Variants in ARHGAP22 observed in about 807,000 individuals in gnomAD.
ARHGAP22 encodes Rho GTPase activating protein 22.
ARHGAP22 carries 48 observed loss-of-function variants against 59.1 expected under a neutral mutation model. That is an observed-to-expected ratio of 0.81 (90% CI 0.64 to 1.03). ARHGAP22 has a LOEUF of 1.03. Ranked by LOEUF, ARHGAP22 falls within the 50% of genes least tolerant of loss-of-function variation. ARHGAP22 has a pLI of 0.00. For synonymous variants in ARHGAP22, 445 were observed against 416.4 expected (o/e 1.07, Z -0.84); for missense variants, 1,015 against 958.7 (o/e 1.06, Z -0.78).
chr10:48,619,658 T>C (rs1565009413), intron 1 of ARHGAP22, among the ~76,000 whole-genome samples: 1 of 152,114 alleles, frequency 6.6e-6, no homozygotes, highest in African/African-American at 2.4e-5. Flanking sequence ...TGCAGATAAA[T>C]GAAACTAGAC....
chr10:48,655,112 C>CTCTTT (rs753172322), upstream of ARHGAP22, among the ~76,000 whole-genome samples: 28 of 34,164 alleles, frequency 8.2e-4, 3 homozygotes, highest in African/African-American at 2.9e-3. Context: ...CTCTTCTCTT[C>CTCTTT]TCTTTCCTCT....
At chr10:48,503,111 G>A (rs531498470) in intron 3 of ARHGAP22, among the ~76,000 whole-genome samples, 1 of 152,354 alleles carries the variant, frequency 6.6e-6, no homozygotes, top group Admixed American at 6.5e-5. Context: ...GCATGGCTGA[G>A]ACTGGAAAAC....
intron 2 of ARHGAP22, among the ~76,000 whole-genome samples, chr10:48,569,993 A>G (rs1488091491): frequency 6.6e-6 from 1 of 152,218 alleles, no homozygotes; most frequent in African/African-American, 2.4e-5. Context: ...ATGGTATAAA[A>G]CAAACCTTAA....
intron 4 of ARHGAP22, among the ~76,000 whole-genome samples, chr10:48,471,302 G>A (rs1010244310): frequency 2.0e-5 from 3 of 152,180 alleles, no homozygotes; most frequent in African/African-American, 7.2e-5. Context: ...AGTCACTCTG[G>A]GCAGGGACAC....
intron 3 of ARHGAP22, chr10:48,493,515 T>G (rs2050621114): frequency 6.5e-7 from 1 of 1,534,728 alleles, no homozygotes; most frequent in Non-Finnish European, 8.7e-7. Flanking sequence ...GGGGCTGCAG[T>G]GAGAGGAGCA....
intron 9 of ARHGAP22, 37 bp downstream of exon 9, chr10:48,450,224 G>T (rs1354632471): frequency 1.9e-6 from 3 of 1,596,600 alleles, no homozygotes; most frequent in East Asian, 2.3e-5. Context: ...TGCAGGCTCC[G>T]CCCCGTCACA....
At chr10:48,525,209 T>G (rs2054217647) in intron 3 of ARHGAP22, among the ~76,000 whole-genome samples, 1 of 152,212 alleles carries the variant, frequency 6.6e-6, no homozygotes, top group Non-Finnish European at 1.5e-5. Context: ...CAGGAAAGTC[T>G]ATGGAAGGCT....
intron 1 of ARHGAP22, among the ~76,000 whole-genome samples, chr10:48,614,938 A>T (rs918404597): frequency 2.0e-5 from 3 of 152,252 alleles, no homozygotes; most frequent in Non-Finnish European, 4.4e-5. Context: ...GCTAAAGCAG[A>T]TATCTGTGGA....
rs146281014 is a variant in ARHGAP22 at position 48,450,317 on chromosome 10, A to T, written c.1812T>A (p.Thr604=). The change falls in exon 9 of 10, where the codon ACT becomes ACA. Residue 604 remains threonine, a synonymous_variant. Coordinates refer to ENST00000249601, the MANE Select transcript of ARHGAP22 (RefSeq NM_021226.4). Reference sequence around the variant, plus strand: ...GGCGGCACAGCTCGGCCCTGAGCTCAGTGACCAGCCCCTGTAAGGCCTCGG... The same window carrying T: ...GGCGGCACAGCTCGGCCCTGAGCTCTGTGACCAGCCCCTGTAAGGCCTCGG... The part of the protein sequence containing the change: ...RRSEALQGLV[T]ELRAELCRQR... 697 of 1,606,492 alleles carry T rather than the reference A, an allele frequency of 4.3e-4. No homozygotes were observed. Among genetic ancestry groups the T allele is most frequent in the Non-Finnish European group, 5.3e-4 (622 of 1,177,132 alleles).
intron 3 of ARHGAP22, among the ~76,000 whole-genome samples, chr10:48,544,196 G>T (rs769877085): frequency 6.6e-6 from 1 of 152,184 alleles, no homozygotes; most frequent in Non-Finnish European, 1.5e-5. Flanking sequence ...TACTTCACAT[G>T]ATGATTACAG....
At chr10:48,473,131 G>A (rs1056272814) in intron 4 of ARHGAP22, among the ~76,000 whole-genome samples, 1 of 152,146 alleles carries the variant, frequency 6.6e-6, no homozygotes, top group South Asian at 2.1e-4. Context: ...AACAAATGTG[G>A]TATATCCATA....
upstream of ARHGAP22, among the ~76,000 whole-genome samples, chr10:48,607,179 CTT>C (rs2135943656): frequency 1.3e-5 from 2 of 152,284 alleles, no homozygotes; most frequent in South Asian, 4.1e-4. Context: ...TGCCCTGAGA[CTT>C]AGTCTGGGTC....
intron 2 of ARHGAP22, among the ~76,000 whole-genome samples, chr10:48,582,320 C>T (rs1325111931): frequency 6.6e-6 from 1 of 152,178 alleles, no homozygotes; most frequent in African/African-American, 2.4e-5. Flanking sequence ...ACTGGATTGC[C>T]CAAGTGCTTC....
At chr10:48,641,545 C>G (rs932110045) in intron 1 of ARHGAP22, among the ~76,000 whole-genome samples, 1 of 152,164 alleles carries the variant, frequency 6.6e-6, no homozygotes, top group Admixed American at 6.5e-5. Flanking sequence ...AATTCAACAG[C>G]CCTTCATACT....
In ARHGAP22 at chr10:48,465,569, G is replaced by T. The variant is rs529145215; in HGVS notation, c.452-5678C>A. Among the ~76,000 whole-genome samples the T allele has an allele frequency of 2.0e-5, 3 of 152,350 alleles. No homozygotes were observed. In the South Asian group the frequency reaches 6.2e-4, roughly 32 times the overall value. Reference sequence around the variant, plus strand: ...CCTTGCAGGGTCAATTCCTGGACAGGTTCTGCCTGCCCCTGAGTCCCACCC... The same window carrying T: ...CCTTGCAGGGTCAATTCCTGGACAGTTTCTGCCTGCCCCTGAGTCCCACCC... On this transcript the variant is annotated intron_variant, in intron 4 of 9. Transcript: ENST00000249601.
At chr10:48,514,350 C>T (rs1273256731) in intron 3 of ARHGAP22, among the ~76,000 whole-genome samples, 2 of 151,998 alleles carry the variant, frequency 1.3e-5, no homozygotes, top group Non-Finnish European at 2.9e-5. Context: ...TTGAAAGAAA[C>T]AAGAGAAAAT....
chr10:48,596,587 C>T (rs945503589), intron 1 of ARHGAP22, among the ~76,000 whole-genome samples: 5 of 152,184 alleles, frequency 3.3e-5, no homozygotes, highest in African/African-American at 9.7e-5. Context: ...TATGGCTCCA[C>T]TTCCAGGCTT....
upstream of ARHGAP22, among the ~76,000 whole-genome samples, chr10:48,606,004 T>C (rs548322372): frequency 1.9e-4 from 29 of 152,256 alleles, no homozygotes; most frequent in African/African-American, 6.7e-4. Flanking sequence ...CCCGATGAAC[T>C]TGCTGAACGG....
chr10:48,640,268 T>C (rs181382503), intron 1 of ARHGAP22, among the ~76,000 whole-genome samples: 23 of 152,164 alleles, frequency 1.5e-4, no homozygotes, highest in African/African-American at 5.3e-4. Flanking sequence ...GTAATGCAAG[T>C]CCCAGACAGG....
Sources: gnomAD v4.1 joint callset for allele counts (sites outside exome capture counted in the v4.1 genomes callset) on GRCh38, gnomAD v4.1.1 for gene constraint, MANE v1.5 for transcripts, NCBI Gene and HGNC (gene_info 2026-07-23, HGNC 2026-07-21) for gene names.